Variants in UGP2 observed in about 807,000 individuals in gnomAD.
UGP2 encodes the protein UTP--glucose-1-phosphate uridylyltransferase.
Under a neutral mutation model 49.0 loss-of-function variants are expected in UGP2, and 40 were observed. That is an observed-to-expected ratio of 0.82 (90% CI 0.63 to 1.06). The LOEUF is 1.06. UGP2 is among the 50% of genes least tolerant of loss of function. The pLI, the probability that UGP2 is intolerant of heterozygous loss-of-function variation, is 0.00. For synonymous variants in UGP2, 225 were observed against 213.0 expected (o/e 1.06, Z -0.49); for missense variants, 460 against 603.5 (o/e 0.76, Z 2.49).
intron 3 of UGP2, among the ~76,000 whole-genome samples, chr2:63,877,450 G>C (rs1670982010): frequency 1.3e-5 from 2 of 152,198 alleles, no homozygotes; most frequent in South Asian, 4.1e-4. Flanking sequence ...CATGTCGACG[G>C]ATAATTTCTG....
intron 3 of UGP2, among the ~76,000 whole-genome samples, chr2:63,868,946 CAA>C (rs1420657628): frequency 2.0e-5 from 3 of 150,008 alleles, no homozygotes; most frequent in South Asian, 2.1e-4. Context: ...GCCTGGGCGA[CAA>C]GAGTGAAACT....
At chr2:63,881,222 C>G (rs1458184354) in intron 3 of UGP2, among the ~76,000 whole-genome samples, 1 of 152,058 alleles carries the variant, frequency 6.6e-6, no homozygotes. Flanking sequence ...ATTTTGTTAT[C>G]AGGAGGCAAC....
chr2:63,887,899 C>CTACA, intron 8 of UGP2: 1 of 446,202 alleles, frequency 2.2e-6, no homozygotes, highest in South Asian at 2.7e-5. Flanking sequence ...TCTTCCAAGA[C>CTACA]CAGTACTGCT....
At chr2:63,856,680 A>G (rs1301706557) in intron 2 of UGP2, 2 of 519,308 alleles carry the variant, frequency 3.9e-6, no homozygotes, top group South Asian at 1.7e-5. Context: ...ATCAGAACCA[A>G]ATTATACTTT....
At chr2:63,889,019 C>A (rs544819983) in intron 8 of UGP2, 72 of 152,244 alleles carry the variant, frequency 4.7e-4, no homozygotes, top group African/African-American at 1.5e-3. Flanking sequence ...GTGTAGAATG[C>A]AGATGGGGAA....
At chr2:63,866,679 TA>T (rs1670207059) in intron 3 of UGP2, among the ~76,000 whole-genome samples, 1 of 152,142 alleles carries the variant, frequency 6.6e-6, no homozygotes, top group African/African-American at 2.4e-5. Flanking sequence ...CTATAATTTT[TA>T]TAGTACTCCT....
In UGP2 at chr2:63,891,242, T is replaced by C; in HGVS notation, c.*15T>C. 6.3e-7 allele frequency: 1 copy of C among 1,594,986 alleles called. No homozygotes were observed. Among genetic ancestry groups the C allele is most frequent in the Middle Eastern group, 1.7e-4 (1 of 6,024 alleles). On this transcript the variant is annotated 3_prime_UTR_variant, in exon 10 of 10. Coordinates refer to ENST00000337130, the MANE Select transcript of UGP2 (RefSeq NM_006759.4). The stretch of plus-strand genomic sequence containing the variant: ...TGGACCACTGAAATGAAAAATACTG[T>C]GGACACTTAAATAATGGGCTAGTTT...
At chr2:63,857,229 A>G (rs555100351) in intron 2 of UGP2, among the ~76,000 whole-genome samples, 1 of 150,938 alleles carries the variant, frequency 6.6e-6, no homozygotes, top group African/African-American at 2.4e-5. Context: ...TAAGCCTGGG[A>G]GGTGAAGTTT....
At chr2:63,852,004 A>G (rs1248970557) in intron 1 of UGP2, among the ~76,000 whole-genome samples, 1 of 152,152 alleles carries the variant, frequency 6.6e-6, no homozygotes, top group Non-Finnish European at 1.5e-5. Flanking sequence ...AGTGAGGAAC[A>G]CCTTTCTCCA....
intron 3 of UGP2, among the ~76,000 whole-genome samples, chr2:63,858,435 A>C (rs942222158): frequency 6.6e-5 from 10 of 152,164 alleles, no homozygotes; most frequent in African/African-American, 2.2e-4. Context: ...TTATATATAT[A>C]GTTCCTAGTT....
intron 3 of UGP2, among the ~76,000 whole-genome samples, chr2:63,869,288 A>G (rs1376696551): frequency 6.6e-6 from 1 of 152,218 alleles, no homozygotes; most frequent in East Asian, 1.9e-4. Context: ...AGTCTGTTTT[A>G]TTGCCAATCT....
intron 3 of UGP2, among the ~76,000 whole-genome samples, chr2:63,870,999 T>G (rs762601063): frequency 2.6e-5 from 4 of 152,248 alleles, no homozygotes; most frequent in Non-Finnish European, 5.9e-5. Flanking sequence ...CATGTGTGAC[T>G]GCACATACAC....
rs1454402417 is a variant in UGP2, at chr2:63,887,469, A to G, written c.1139A>G (p.Glu380Gly). The G allele has an allele frequency of 1.2e-6, 2 of 1,614,020 alleles. No homozygotes were observed. Among genetic ancestry groups the G allele is most frequent in the East Asian group, 2.2e-5 (1 of 44,856 alleles). The change falls in exon 8 of 10, where the codon GAG becomes GGG. Residue 380 changes from glutamate to glycine, a missense_variant. Physicochemically the swap from Glu to Gly is moderately conservative, Grantham distance 98. This residue lies in a region of UGP2 where 317 missense variants were observed against 473.0 expected (regional missense o/e 0.67). Transcript: ENST00000337130. ...GTAGGGGCTGCCATCAAAAGTTTTG[A>G]GAATTCTCTAGGTATTAATGTGCCA... ...TAVGAAIKSF[E>G]NSLGINVPRS...
At chr2:63,869,317 A>G (rs1357847932) in intron 3 of UGP2, among the ~76,000 whole-genome samples, 1 of 152,246 alleles carries the variant, frequency 6.6e-6, no homozygotes, top group Non-Finnish European at 1.5e-5. Context: ...TTATTAAAGC[A>G]TTTAATATTA....
chr2:63,850,610 A>G (rs114025346), intron 1 of UGP2, among the ~76,000 whole-genome samples: 231 of 152,370 alleles, frequency 1.5e-3, no homozygotes, highest in African/African-American at 5.3e-3. Context: ...GGTTAATAAA[A>G]TTGAAAAGAA....
chr2:63,851,011 G>A (rs1010208581), intron 1 of UGP2, among the ~76,000 whole-genome samples: 1 of 152,066 alleles, frequency 6.6e-6, no homozygotes, highest in Non-Finnish European at 1.5e-5. Context: ...ACAGTCTGTT[G>A]GATAAGATAA....
At chr2:63,852,378 A>G (rs1233788333) in intron 1 of UGP2, among the ~76,000 whole-genome samples, 1 of 152,202 alleles carries the variant, frequency 6.6e-6, no homozygotes, top group Non-Finnish European at 1.5e-5. Flanking sequence ...AGTGATTTGT[A>G]TGTACATTAA....
At chr2:63,875,457 G>A (rs1023155153) in intron 3 of UGP2, among the ~76,000 whole-genome samples, 2 of 152,208 alleles carry the variant, frequency 1.3e-5, no homozygotes, top group African/African-American at 4.8e-5. Context: ...GTCTATGACT[G>A]TGTGATGAAT....
At chr2:63,879,855 T>C (rs554862200) in intron 3 of UGP2, among the ~76,000 whole-genome samples, 11 of 152,304 alleles carry the variant, frequency 7.2e-5, no homozygotes, top group Admixed American at 5.2e-4. Flanking sequence ...TTTTAAAGTG[T>C]AGTCAAAACA....
Sources: allele counts gnomAD v4.1 joint callset (sites outside exome capture counted in the v4.1 genomes callset), GRCh38; gene constraint gnomAD v4.1.1; regional missense constraint gnomAD v4.1.1; transcripts MANE v1.5; gene names NCBI Gene and HGNC (gene_info 2026-07-23, HGNC 2026-07-21).